The following PWP1 variants were observed in gnomAD, a reference collection of about 807,000 sequenced individuals.
PWP1 encodes PWP1 homolog, endonuclein, also known as periodic tryptophan protein 1 homolog.
A neutral mutation model predicts 69.9 loss-of-function variants in PWP1; 47 were observed. That is an observed-to-expected ratio of 0.67 (90% CI 0.53 to 0.86). PWP1 has a LOEUF of 0.86. Among genes scored for constraint, PWP1 ranks in the 40% least tolerant of loss-of-function variants. The pLI is 0.00. For synonymous variants in PWP1, 222 were observed against 208.2 expected (o/e 1.07, Z -0.57); for missense variants, 551 against 608.8 (o/e 0.91, Z 1.00).
chr12:107,704,847 C>T (rs1227637116), intron 11 of PWP1, 100 bp downstream of exon 11: 1 of 992,184 alleles, frequency 1.0e-6, no homozygotes, highest in Non-Finnish European at 1.5e-6. Context: ...TCTGTTTTAA[C>T]AGTATGAAGT....
At chr12:107,703,837 T>C in intron 10 of PWP1, 91 bp downstream of exon 10, 1 of 1,172,500 alleles carries the variant, frequency 8.5e-7, no homozygotes, top group African/African-American at 1.5e-5. Context: ...GCAGAATGTA[T>C]CCTTGAGGCC....
intron 6 of PWP1, 53 bp downstream of exon 6, chr12:107,696,637 C>T: frequency 6.2e-7 from 1 of 1,603,362 alleles, no homozygotes; most frequent in South Asian, 1.1e-5. Flanking sequence ...TGTATTTTCT[C>T]CTAGCTCCAT....
chr12:107,691,633 G>T (rs1392077127), intron 3 of PWP1, among the ~76,000 whole-genome samples: 1 of 152,006 alleles, frequency 6.6e-6, no homozygotes, highest in Non-Finnish European at 1.5e-5. Context: ...TCATCCTAGT[G>T]GATGAACTCT....
Position 107,695,051 on chromosome 12 carries a change from C to G in PWP1, c.503-1423C>G, listed in dbSNP as rs551907961. ...CGGGCGGATCACGAGTTCAGGAGAT[C>G]GAGACCATCCTGGCTAACACGGTAA... is the stretch of plus-strand genomic sequence containing the variant. On this transcript the variant is annotated intron_variant, in intron 5 of 14. Transcript: ENST00000412830. Among the ~76,000 whole-genome samples the G allele has an allele frequency of 6.0e-5, 9 of 149,832 alleles. 1 individual carries two copies. In the South Asian group the frequency reaches 1.5e-3, roughly 25 times the overall value.
At chr12:107,691,775 C>A (rs779364604) in intron 3 of PWP1, among the ~76,000 whole-genome samples, 1 of 152,176 alleles carries the variant, frequency 6.6e-6, no homozygotes, top group East Asian at 1.9e-4. Flanking sequence ...ATTTTTCCAT[C>A]TAGATGTTCA....
chr12:107,698,684 A>G (rs991636551), intron 7 of PWP1, among the ~76,000 whole-genome samples: 1 of 152,208 alleles, frequency 6.6e-6, no homozygotes, highest in Non-Finnish European at 1.5e-5. Context: ...GCCTAGGCTC[A>G]AGAGATCCTG....
chr12:107,702,951 G>C lies in PWP1; in HGVS notation c.823G>C (p.Ala275Pro). ...CTTTCTCAGAAATGTTTTAGCAAGT[G>C]CATCAGCTGACAACACTGTAATTCT... ...NKLIRNVLAS[A>P]SADNTVILWD... The change falls in exon 9 of 15, where the codon GCA (alanine) becomes CCA (proline). Residue 275 changes from alanine (A) to proline (P), a missense_variant. Physicochemically the swap from Ala to Pro is conservative, Grantham distance 27. Transcript: ENST00000412830. 1 of 1,608,210 alleles carries C rather than the reference G, an allele frequency of 6.2e-7. No individual in the cohort carries two copies. Among genetic ancestry groups the C allele is most frequent in the Non-Finnish European group, 8.5e-7 (1 of 1,174,764 alleles).
In PWP1 at chr12:107,699,399, T is replaced by A. The variant is rs759587321; in HGVS notation, c.771T>A (p.Asp257Glu). Residue 257 changes from aspartate (D) to glutamate (E), a missense_variant, in exon 8 of 15, where the codon GAT (aspartate) becomes GAA (glutamate). Transcript: ENST00000412830. The part of the protein sequence containing the change: ...KKSSSAEGHT[D>E]AVLDLSWNKL... ...GTTCCTCAGCAGAAGGGCATACCGATGCTGTCCTTGACCTTTCATGGAATA... is the reference window on the plus strand; with the variant it reads ...GTTCCTCAGCAGAAGGGCATACCGAAGCTGTCCTTGACCTTTCATGGAATA... 1.9e-6 allele frequency: 3 copies of A among 1,613,580 alleles called. No homozygotes were observed. Among genetic ancestry groups the A allele is most frequent in the East Asian group, 2.2e-5 (1 of 44,886 alleles).
chr12:107,696,598 T>C lies in PWP1; in HGVS notation c.613+14T>C. On this transcript the variant is annotated intron_variant, in intron 6 of 14. Coordinates refer to ENST00000412830, the MANE Select transcript of PWP1 (RefSeq NM_007062.3). ...ATGATTCTACTGGTAATTAGAAAAC[T>C]TAAGGTTGTTCAATGATTTCCAGTC... 1 of 1,613,380 alleles carries C rather than the reference T, an allele frequency of 6.2e-7. No individual in the cohort carries two copies. The highest frequency in any genetic ancestry group is 1.7e-5 in the Admixed American group (1 of 59,784).
Position 107,694,610 on chromosome 12 carries a change from A to G in PWP1, c.502+1514A>G, listed in dbSNP as rs80191796. 6.7e-3 allele frequency among the ~76,000 whole-genome samples: 1,026 copies of G among 152,302 alleles called. 13 individuals carry two copies. Among genetic ancestry groups the G allele is most frequent in the African/African-American group, 0.023 (948 of 41,554 alleles). On this transcript the variant is annotated intron_variant, in intron 5 of 14. Transcript: ENST00000412830. ...ACTCTTGATATCTTTGAACTTTTAC[A>G]TATTTCAAATGAAAACCATTTGTTT...
intron 14 of PWP1, among the ~76,000 whole-genome samples, chr12:107,711,201 C>A (rs532286086): frequency 6.6e-6 from 1 of 152,272 alleles, no homozygotes; most frequent in Admixed American, 6.5e-5. Context: ...CAGGAACATG[C>A]CCTTAAGACA....
Position 107,685,868 on chromosome 12 carries a change from T to G in PWP1, c.-32T>G. On this transcript the variant is annotated 5_prime_UTR_variant, in exon 1 of 15. Coordinates refer to ENST00000412830, the MANE Select transcript of PWP1 (RefSeq NM_007062.3). ...GTGGTCCCTCCCTATGCAGCCTGGT[T>G]TCTAGCGTGACACGCCCTTGACTTG... 1.9e-6 allele frequency: 3 copies of G among 1,612,900 alleles called. No homozygotes were observed. Among genetic ancestry groups the G allele is most frequent in the Non-Finnish European group, 1.7e-6 (2 of 1,179,300 alleles).
At position 107,704,760 on chromosome 12, in the gene PWP1, A is replaced by G. The variant is rs1566081791; in HGVS notation, c.1077+13A>G. On this transcript the variant is annotated intron_variant, in intron 11 of 14. Coordinates refer to ENST00000412830, the MANE Select transcript of PWP1 (RefSeq NM_007062.3). ...TTGTCATTTCTTGGTAAGAGTACGAATGTTGTTGTTTTGCTTTTCTAGGTT... is the reference window on the plus strand; with the variant it reads ...TTGTCATTTCTTGGTAAGAGTACGAGTGTTGTTGTTTTGCTTTTCTAGGTT... 6.2e-7 allele frequency: 1 copy of G among 1,604,154 alleles called. No individual in the cohort carries two copies. The highest frequency in any genetic ancestry group is 8.5e-7 in the Non-Finnish European group (1 of 1,171,356).
At position 107,697,555 on chromosome 12, in the gene PWP1, C is replaced by T. The variant is rs756338265; in HGVS notation, c.702C>T (p.Leu234=). Residue 234 remains leucine, a synonymous_variant, in exon 7 of 15, where the codon CTC becomes CTT. Transcript: ENST00000412830. The part of the protein sequence containing the change: ...IVDSLEPVFT[L]GSKLSKKKKK... ...ACTCTTTAGAGCCAGTCTTCACACT[C>T]GGAAGTAAACTTTCAAAAAAGAAGA... The T allele has an allele frequency of 7.5e-6, 12 of 1,606,278 alleles. No homozygotes were observed. The highest frequency in any genetic ancestry group is 2.2e-5 in the South Asian group (2 of 89,446).
intron 11 of PWP1, among the ~76,000 whole-genome samples, chr12:107,706,585 G>A (rs190067821): frequency 4.8e-4 from 73 of 152,218 alleles, no homozygotes; most frequent in African/African-American, 1.4e-3. Context: ...TATAAGCTGT[G>A]AGGAAGGGAT....
chr12:107,688,771 C>G lies in PWP1; in HGVS notation c.288C>G (p.Asp96Glu). The change falls in exon 3 of 15, where the codon GAC (aspartate) becomes GAG (glutamate). Residue 96 changes from aspartate (D) to glutamate (E), a missense_variant. Asp to Glu is a conservative substitution (Grantham distance 45). Transcript: ENST00000412830. Reference sequence around the variant, plus strand: ...ATGATGATGAGCTGGCTGAGTACGACTTAGATAAATATGATGAGGAAGGTG... The same window carrying G: ...ATGATGATGAGCTGGCTGAGTACGAGTTAGATAAATATGATGAGGAAGGTG... ...TLDDDELAEY[D>E]LDKYDEEGDP... The G allele has an allele frequency of 6.2e-7, 1 of 1,614,068 alleles. No individual in the cohort carries two copies. The highest frequency in any genetic ancestry group is 2.2e-5 in the East Asian group (1 of 44,886).
intron 13 of PWP1, among the ~76,000 whole-genome samples, 174 bp downstream of exon 13, chr12:107,709,406 G>A (rs764954997): frequency 3.3e-5 from 5 of 152,050 alleles, no homozygotes; most frequent in South Asian, 2.1e-4. Context: ...GACTTAGAAC[G>A]CTTTGTGGGG....
chr12:107,703,864 T>C, intron 10 of PWP1, 118 bp downstream of exon 10: 1 of 868,596 alleles, frequency 1.2e-6, no homozygotes, highest in Non-Finnish European at 1.9e-6. Context: ...ATGTTTAAAT[T>C]ATTTGCACTA....
chr12:107,686,843 G>A (rs1031133202), intron 1 of PWP1, among the ~76,000 whole-genome samples: 3 of 152,098 alleles, frequency 2.0e-5, no homozygotes, highest in African/African-American at 7.2e-5. Context: ...GTGGATGCCT[G>A]TAGTCCCAGC....
Sources: gnomAD v4.1 joint callset for allele counts (sites outside exome capture counted in the v4.1 genomes callset) on GRCh38, gnomAD v4.1.1 for gene constraint, MANE v1.5 for transcripts, NCBI Gene and HGNC (gene_info 2026-07-23, HGNC 2026-07-21) for gene names.